Variants in METTL2A observed in about 807,000 individuals in gnomAD.
The protein encoded by METTL2A is methyltransferase 2A, tRNA N3-cytidine.
Under a neutral mutation model 49.4 loss-of-function variants are expected in METTL2A, and 45 were observed. The ratio of observed to expected loss-of-function variants is 0.91; its 90% confidence interval spans 0.72 to 1.17. The LOEUF is 1.17. Ranked by LOEUF, METTL2A falls within the 50% of genes most tolerant of loss-of-function variation. The pLI, the probability that METTL2A is intolerant of heterozygous loss-of-function variation, is 0.00. For synonymous variants in METTL2A, 118 were observed against 167.5 expected, an observed-to-expected ratio of 0.70 and a Z score of 2.28; for missense variants, 361 against 462.2, an observed-to-expected ratio of 0.78 and a Z score of 2.01.
At position 62,452,498 on chromosome 17, in the gene METTL2A, A is replaced by C. The variant is rs2070811321; in HGVS notation, c.*3769A>C. ...GGCTGAATAACTATGATAGTTGCCAAATAGTGGTTTCTGATGCTTCCATTC... is the reference window on the plus strand; with the variant it reads ...GGCTGAATAACTATGATAGTTGCCACATAGTGGTTTCTGATGCTTCCATTC... On this transcript the variant is annotated 3_prime_UTR_variant, in exon 9 of 9. Coordinates refer to ENST00000311506, the MANE Select transcript of METTL2A (RefSeq NM_181725.4). Among the ~76,000 whole-genome samples the C allele has an allele frequency of 6.6e-6, 1 of 152,168 alleles. No individual in the cohort carries two copies. The highest frequency in any genetic ancestry group is 6.5e-5 in the Admixed American group (1 of 15,270).
chr17:62,427,303 G>A (rs1234444058), intron 3 of METTL2A, among the ~76,000 whole-genome samples: 6 of 152,176 alleles, frequency 3.9e-5, no homozygotes, highest in Admixed American at 1.3e-4. Flanking sequence ...TAGTTATGAG[G>A]ATGGAGATAA....
chr17:62,438,093 C>T (rs2070713110), intron 5 of METTL2A, among the ~76,000 whole-genome samples: 1 of 151,856 alleles, frequency 6.6e-6, no homozygotes, highest in Non-Finnish European at 1.5e-5. Context: ...CATGGTGAAA[C>T]CCTGTCTCTA....
intron 3 of METTL2A, among the ~76,000 whole-genome samples, chr17:62,426,972 T>G (rs2070632741): frequency 1.3e-5 from 2 of 152,222 alleles, no homozygotes; most frequent in Admixed American, 6.6e-5. Flanking sequence ...ATGATCATGC[T>G]ATAACTCTGG....
intron 5 of METTL2A, among the ~76,000 whole-genome samples, chr17:62,439,312 C>T (rs774831620): frequency 6.6e-6 from 1 of 151,392 alleles, no homozygotes; most frequent in Non-Finnish European, 1.5e-5. Context: ...CACTATGTTG[C>T]CTAGCTGGTC....
intron 4 of METTL2A, among the ~76,000 whole-genome samples, chr17:62,429,352 A>C (rs980892650): frequency 6.6e-6 from 1 of 151,666 alleles, no homozygotes; most frequent in Non-Finnish European, 1.5e-5. Flanking sequence ...GTGCAGTGGC[A>C]CAATCTCGAC....
intron 8 of METTL2A, among the ~76,000 whole-genome samples, chr17:62,448,187 C>T (rs1450477850): frequency 1.3e-5 from 2 of 152,238 alleles, no homozygotes; most frequent in African/African-American, 4.8e-5. Flanking sequence ...TCATCCTTCA[C>T]CTGGGCCTTC....
chr17:62,432,801 C>CAAA (rs530858790), intron 4 of METTL2A, among the ~76,000 whole-genome samples: 3 of 138,014 alleles, frequency 2.2e-5, no homozygotes, highest in East Asian at 2.1e-4. Flanking sequence ...GACTCCGTCT[C>CAAA]AAAAAAAAAA....
At position 62,430,021 on chromosome 17, in the gene METTL2A, C is replaced by T. The variant is rs534213479; in HGVS notation, c.608+2184C>T. Among the ~76,000 whole-genome samples the T allele has an allele frequency of 1.4e-3, 212 of 152,342 alleles. 1 individual carries two copies. Among genetic ancestry groups the T allele is most frequent in the Non-Finnish European group, 2.6e-3 (178 of 68,032 alleles). On this transcript the variant is annotated intron_variant, in intron 4 of 8. Transcript: ENST00000311506. ...GGAAATGACATTCCAGTTCTGTATG[C>T]ATTACTGGAATCCACTGTTTCTCAA...
chr17:62,438,901 C>T (rs146226493), intron 5 of METTL2A, among the ~76,000 whole-genome samples: 9,812 of 151,412 alleles, frequency 0.065, 436 homozygotes, highest in South Asian at 0.23. Flanking sequence ...TGGCCTTGAT[C>T]TCCTGGGCTC....
At chr17:62,445,919 G>A (rs1243926475) in intron 7 of METTL2A, among the ~76,000 whole-genome samples, 1 of 152,062 alleles carries the variant, frequency 6.6e-6, no homozygotes, top group Non-Finnish European at 1.5e-5. Flanking sequence ...GCATATAATA[G>A]ATAAAGACTT....
intron 5 of METTL2A, among the ~76,000 whole-genome samples, chr17:62,440,019 CTT>C (rs60232494): frequency 0.011 from 1,522 of 141,064 alleles, 17 homozygotes; most frequent in African/African-American, 0.037. Context: ...TTTGCCGTTA[CTT>C]TTTTTTTTTT....
intron 7 of METTL2A, among the ~76,000 whole-genome samples, chr17:62,446,335 G>T (rs2070768501): frequency 6.8e-6 from 1 of 147,908 alleles, no homozygotes; most frequent in Admixed American, 6.8e-5. Flanking sequence ...TTTTGAGACG[G>T]AGTCTCGCTC....
rs1317940172 is a variant in METTL2A, at chr17:62,448,616, G to C, written c.1024G>C (p.Val342Leu). ...TLFTTAGLEK[V>L]QNLVDRRLQV... The stretch of plus-strand genomic sequence containing the variant: ...TTTCACCACTGCTGGACTGGAAAAA[G>C]TTCAGAACCTGGTGGATCGCCGACT... Residue 342 changes from valine (V) to leucine (L), a missense_variant, in exon 9 of 9, where the codon GTT (valine) becomes CTT (leucine). Transcript: ENST00000311506. 6.2e-7 allele frequency: 1 copy of C among 1,614,214 alleles called. No individual in the cohort carries two copies. The highest frequency in any genetic ancestry group is 8.5e-7 in the Non-Finnish European group (1 of 1,180,054).
Position 62,451,484 on chromosome 17 carries a change from C to T in METTL2A, c.*2755C>T, listed in dbSNP as rs1476805700. Among the ~76,000 whole-genome samples the T allele has an allele frequency of 6.8e-6, 1 of 147,646 alleles. No individual in the cohort carries two copies. Among genetic ancestry groups the T allele is most frequent in the Admixed American group, 6.8e-5 (1 of 14,774 alleles). On this transcript the variant is annotated 3_prime_UTR_variant, in exon 9 of 9. Transcript: ENST00000311506. Reference sequence around the variant, plus strand: ...TTTTTAAAAAATGTTAAAAATAGGCCGGGTGCGGTGGCTCACACCTGTAAT... The same window carrying T: ...TTTTTAAAAAATGTTAAAAATAGGCTGGGTGCGGTGGCTCACACCTGTAAT...
At chr17:62,439,459 A>T (rs1228960584) in intron 5 of METTL2A, among the ~76,000 whole-genome samples, 2 of 151,026 alleles carry the variant, frequency 1.3e-5, no homozygotes, top group East Asian at 3.9e-4. Flanking sequence ...TTTGAGACGG[A>T]GTCTCCCTCT....
chr17:62,429,890 C>T (rs573592988), intron 4 of METTL2A, among the ~76,000 whole-genome samples: 128 of 152,224 alleles, frequency 8.4e-4, no homozygotes, highest in African/African-American at 2.9e-3. Context: ...AGGCTGGTCT[C>T]GAACTCCTGA....
intron 4 of METTL2A, among the ~76,000 whole-genome samples, chr17:62,428,753 G>A (rs1220023493): frequency 2.6e-5 from 4 of 152,286 alleles, no homozygotes; most frequent in Non-Finnish European, 5.9e-5. Flanking sequence ...CCTAGCACAC[G>A]GATGTGTTCA....
At chr17:62,445,008 C>G in intron 7 of METTL2A, 65 bp downstream of exon 7, 4 of 1,556,618 alleles carry the variant, frequency 2.6e-6, no homozygotes, top group Non-Finnish European at 3.5e-6. Context: ...ATGGATGAAG[C>G]TGGAAATCAT....
intron 6 of METTL2A, among the ~76,000 whole-genome samples, chr17:62,441,836 G>A (rs938434537): frequency 9.2e-5 from 14 of 151,672 alleles, no homozygotes; most frequent in Non-Finnish European, 1.8e-4. Context: ...CACCTCCCGG[G>A]TTCAACCAAT....
Sources: allele counts gnomAD v4.1 joint callset (sites outside exome capture counted in the v4.1 genomes callset), GRCh38; gene constraint gnomAD v4.1.1; transcripts MANE v1.5; gene names NCBI Gene and HGNC (gene_info 2026-07-23, HGNC 2026-07-21).